NKAIN3: variants seen among roughly 807,000 people sequenced by gnomAD.
The protein encoded by NKAIN3 is sodium/potassium transporting ATPase interacting 3.
A neutral mutation model predicts 30.2 loss-of-function variants in NKAIN3; 25 were observed. The observed-to-expected ratio is 0.83, with a 90% CI of 0.60 to 1.16. NKAIN3 has a LOEUF of 1.16. NKAIN3 is among the 50% of genes most tolerant of loss of function. NKAIN3 has a pLI of 0.00. For synonymous variants in NKAIN3, 91 were observed against 89.6 expected (o/e 1.02, Z -0.09); for missense variants, 225 against 254.1 (o/e 0.89, Z 0.78).
At chr8:62,275,922 T>C (rs1354055904) in intron 1 of NKAIN3, among the ~76,000 whole-genome samples, 1 of 152,166 alleles carries the variant, frequency 6.6e-6, no homozygotes, top group Non-Finnish European at 1.5e-5. Context: ...ATTGAGGCTG[T>C]AACAGCTATG....
At chr8:62,346,808 A>C (rs1816021575) in intron 1 of NKAIN3, among the ~76,000 whole-genome samples, 1 of 152,134 alleles carries the variant, frequency 6.6e-6, no homozygotes, top group Non-Finnish European at 1.5e-5. Context: ...GATTTATGGA[A>C]AAGACAGGGT....
chr8:62,429,664 G>C (rs1034669794), intron 1 of NKAIN3, among the ~76,000 whole-genome samples: 2 of 151,674 alleles, frequency 1.3e-5, no homozygotes, highest in Non-Finnish European at 2.9e-5. Context: ...AGTATTATTC[G>C]AGGATCTACT....
At chr8:62,794,550 A>G (rs1372053816) in intron 4 of NKAIN3, among the ~76,000 whole-genome samples, 3 of 152,094 alleles carry the variant, frequency 2.0e-5, no homozygotes, top group Non-Finnish European at 4.4e-5. Flanking sequence ...GTGTTTCTTG[A>G]GGTGAGGGGC....
intron 1 of NKAIN3, among the ~76,000 whole-genome samples, chr8:62,489,985 A>G (rs1002935861): frequency 6.6e-6 from 1 of 152,132 alleles, no homozygotes; most frequent in African/African-American, 2.4e-5. Flanking sequence ...CCCTTATTCA[A>G]TTTTCTTAGG....
At chr8:62,529,504 A>G (rs1414158492) in intron 1 of NKAIN3, among the ~76,000 whole-genome samples, 2 of 152,026 alleles carry the variant, frequency 1.3e-5, no homozygotes, top group Non-Finnish European at 2.9e-5. Flanking sequence ...AGCCCTCCTG[A>G]ATGGGATTAG....
intron 3 of NKAIN3, among the ~76,000 whole-genome samples, chr8:62,675,134 A>G (rs1461172061): frequency 1.3e-5 from 2 of 152,212 alleles, no homozygotes; most frequent in African/African-American, 2.4e-5. Flanking sequence ...GGTTATGAAT[A>G]TGTAACCTAC....
rs189945801 is a variant in NKAIN3 at position 62,445,130 on chromosome 8, G to C, written c.55-134409G>C. 1.8e-3 allele frequency among the ~76,000 whole-genome samples: 279 copies of C among 152,124 alleles called. 1 individual carries two copies. Among genetic ancestry groups the C allele is most frequent in the African/African-American group, 6.5e-3 (268 of 41,516 alleles). On this transcript the variant is annotated intron_variant, in intron 1 of 6. Coordinates refer to ENST00000623646, the MANE Select transcript of NKAIN3 (RefSeq NM_001304533.3). ...CCAGGTAATTTTTGTATTTTTAATA[G>C]AGACGGGGTTTCACCATGTTGGCCA...
At chr8:62,887,764 T>G (rs1821192065) in intron 4 of NKAIN3, among the ~76,000 whole-genome samples, 1 of 152,218 alleles carries the variant, frequency 6.6e-6, no homozygotes, top group Non-Finnish European at 1.5e-5. Context: ...TCTGCTTACA[T>G]TGTCCTTGTG....
chr8:62,253,207 T>C (rs116652705), intron 1 of NKAIN3, among the ~76,000 whole-genome samples: 15 of 152,332 alleles, frequency 9.8e-5, no homozygotes, highest in African/African-American at 3.4e-4. Flanking sequence ...ACCAGACATA[T>C]CTGTGGTACC....
intron 3 of NKAIN3, among the ~76,000 whole-genome samples, chr8:62,609,954 C>T (rs191391709): frequency 9.3e-5 from 14 of 151,330 alleles, no homozygotes; most frequent in African/African-American, 2.4e-4. Context: ...CCATTGGATG[C>T]GACTGAGCAT....
chr8:62,639,164 G>T (rs1185992637), intron 3 of NKAIN3, among the ~76,000 whole-genome samples: 1 of 152,152 alleles, frequency 6.6e-6, no homozygotes, highest in Non-Finnish European at 1.5e-5. Context: ...AATAGAAGGG[G>T]ACCAATGTTT....
intron 1 of NKAIN3, among the ~76,000 whole-genome samples, chr8:62,558,602 T>G (rs561807835): frequency 6.6e-6 from 1 of 152,196 alleles, no homozygotes; most frequent in South Asian, 2.1e-4. Context: ...ACATTATGAT[T>G]CATAAGACAA....
rs373153773 is a variant in NKAIN3 at position 62,542,022 on chromosome 8, TG to T, written c.55-37516del. 1.4e-3 allele frequency among the ~76,000 whole-genome samples: 218 copies of T among 152,298 alleles called. 2 individuals carry two copies. The highest frequency in any genetic ancestry group is 3.8e-3 in the African/African-American group (160 of 41,570). On this transcript the variant is annotated intron_variant, in intron 1 of 6. Coordinates refer to ENST00000623646, the MANE Select transcript of NKAIN3 (RefSeq NM_001304533.3). Reference sequence around the variant, plus strand: ...GACCTCACTGTAAATCTGGCTAGATTGCTTCACTGAGAAGACTCAAATGACA... The same window carrying T: ...GACCTCACTGTAAATCTGGCTAGATTCTTCACTGAGAAGACTCAAATGACA...
intron 4 of NKAIN3, among the ~76,000 whole-genome samples, chr8:62,832,067 G>T (rs56252369): frequency 0.082 from 12,476 of 152,118 alleles, 563 homozygotes; most frequent in South Asian, 0.14. Context: ...CCTATTTTCA[G>T]CATTCTTAGA....
chr8:62,632,416 T>G (rs947595018), intron 3 of NKAIN3, among the ~76,000 whole-genome samples: 10 of 152,308 alleles, frequency 6.6e-5, no homozygotes, highest in Admixed American at 4.6e-4. Context: ...ATTTTCTTCC[T>G]TCAAATCTGA....
chr8:62,566,654 A>G (rs1809761337), intron 1 of NKAIN3, among the ~76,000 whole-genome samples: 1 of 152,108 alleles, frequency 6.6e-6, no homozygotes, highest in East Asian at 1.9e-4. Context: ...TTTGGTTTTC[A>G]TAATCCCTGC....
At chr8:62,676,462 G>C (rs765554682) in intron 3 of NKAIN3, among the ~76,000 whole-genome samples, 8 of 152,278 alleles carry the variant, frequency 5.3e-5, no homozygotes, top group Non-Finnish European at 1.0e-4. Flanking sequence ...CCAGCTACTC[G>C]GCAGGCTGAG....
intron 1 of NKAIN3, among the ~76,000 whole-genome samples, chr8:62,346,618 G>A (rs1457597878): frequency 6.6e-6 from 1 of 152,054 alleles, no homozygotes; most frequent in Non-Finnish European, 1.5e-5. Flanking sequence ...TTGAAGGTCT[G>A]GAAGTGGCAC....
chr8:62,290,928 T>A (rs879015940), intron 1 of NKAIN3, among the ~76,000 whole-genome samples: 3 of 152,168 alleles, frequency 2.0e-5, no homozygotes, highest in South Asian at 4.1e-4. Context: ...CTGGTATGGG[T>A]CTATTCAGGG....
Sources: gnomAD v4.1 joint callset for allele counts (sites outside exome capture counted in the v4.1 genomes callset) on GRCh38, gnomAD v4.1.1 for gene constraint, MANE v1.5 for transcripts, NCBI Gene and HGNC (gene_info 2026-07-23, HGNC 2026-07-21) for gene names.